Variants in JAKMIP2 observed in about 807,000 individuals in gnomAD.
JAKMIP2 encodes janus kinase and microtubule interacting protein 2.
In JAKMIP2, 25 loss-of-function variants were observed where a neutral mutation model predicts 115.0. That is an observed-to-expected ratio of 0.22 (90% confidence interval 0.16 to 0.30). The LOEUF (loss-of-function observed/expected upper bound fraction) is 0.30, where lower values mean the gene tolerates loss of function less well. JAKMIP2 is among the 10% of genes least tolerant of loss of function. The probability of loss-of-function intolerance (pLI) is 1.00; values close to 1 mark genes in which losing one functional copy is unlikely to be tolerated. For missense variants in JAKMIP2, 642 were observed against 957.6 expected, an observed-to-expected ratio of 0.67 and a Z score of 4.35; for synonymous variants, 334 against 343.6, an observed-to-expected ratio of 0.97 and a Z score of 0.31.
At chr5:147,640,674 A>G in intron 9 of JAKMIP2, 30 bp downstream of exon 9, 1 of 1,606,598 alleles carries the variant, frequency 6.2e-7, no homozygotes. Flanking sequence ...TGACAATATC[A>G]CCCTAGGCTA....
At chr5:147,764,460 A>T (rs1281142369) in intron 1 of JAKMIP2, among the ~76,000 whole-genome samples, 1 of 141,430 alleles carries the variant, frequency 7.1e-6, no homozygotes, top group Admixed American at 6.9e-5. Context: ...TAAAGAAGCA[A>T]ATTGTGCAAA....
At chr5:147,601,713 A>G in intron 21 of JAKMIP2, 28 bp downstream of exon 21, 2 of 1,478,488 alleles carry the variant, frequency 1.4e-6, no homozygotes, top group Middle Eastern at 1.8e-4. Context: ...TCTTAGAACC[A>G]CATTTTGAGA....
chr5:147,606,892 C>T (rs1366814896), intron 20 of JAKMIP2, among the ~76,000 whole-genome samples: 3 of 152,034 alleles, frequency 2.0e-5, no homozygotes, highest in African/African-American at 7.2e-5. Context: ...TGAAGTGGTC[C>T]TTCCCACGTA....
chr5:147,710,414 A>G (rs1395524888), intron 1 of JAKMIP2, among the ~76,000 whole-genome samples: 1 of 152,234 alleles, frequency 6.6e-6, no homozygotes, highest in Non-Finnish European at 1.5e-5. Flanking sequence ...TAAATTTTAT[A>G]TACAGCAAAA....
chr5:147,704,639 C>G (rs1050345082), intron 1 of JAKMIP2, among the ~76,000 whole-genome samples: 2 of 152,134 alleles, frequency 1.3e-5, no homozygotes, highest in African/African-American at 4.8e-5. Context: ...CCATTATTAG[C>G]TTCTTCATGG....
intron 1 of JAKMIP2, among the ~76,000 whole-genome samples, chr5:147,686,573 T>C (rs1407524197): frequency 2.6e-5 from 4 of 152,170 alleles, no homozygotes; most frequent in Non-Finnish European, 5.9e-5. Context: ...TAGTAGAAAC[T>C]CTAAAATGTT....
intron 1 of JAKMIP2, among the ~76,000 whole-genome samples, chr5:147,682,429 G>A (rs2126836140): frequency 6.6e-6 from 1 of 152,298 alleles, no homozygotes. Flanking sequence ...GTAGAAGGTA[G>A]AATGAACTAA....
Position 147,586,608 on chromosome 5 carries a change from A to T in JAKMIP2, c.*5099T>A, listed in dbSNP as rs777237301. The stretch of plus-strand genomic sequence containing the variant: ...GGGTACAAAGACCGTAATGCAGAAA[A>T]AAACAAAAACAGGAACCCTCACCAA... On this transcript the variant is annotated 3_prime_UTR_variant, in exon 22 of 22. Transcript: ENST00000616793. The T allele has an allele frequency of 1.3e-5, 2 of 152,182 alleles. No individual in the cohort carries two copies. The highest frequency in any genetic ancestry group is 2.9e-5 in the Non-Finnish European group (2 of 68,028). The allele number at this position is 152,182 out of a possible 1,614,324, so 9.4% of individuals were successfully genotyped here. A position where few individuals can be genotyped will look rare whatever the true frequency, so the allele number is the denominator to read the frequency against.
intron 21 of JAKMIP2, among the ~76,000 whole-genome samples, chr5:147,601,073 G>T (rs1012361859): frequency 6.6e-6 from 1 of 152,082 alleles, no homozygotes; most frequent in African/African-American, 2.4e-5. Flanking sequence ...TATTCACTTT[G>T]CAGATACAGA....
At chr5:147,695,115 C>T (rs143587965) in intron 1 of JAKMIP2, among the ~76,000 whole-genome samples, 1 of 152,234 alleles carries the variant, frequency 6.6e-6, no homozygotes, top group East Asian at 1.9e-4. Flanking sequence ...TCAAAACAAA[C>T]TAACAATGCG....
At chr5:147,770,199 T>C (rs1431653689) in intron 1 of JAKMIP2, among the ~76,000 whole-genome samples, 1 of 152,146 alleles carries the variant, frequency 6.6e-6, no homozygotes, top group African/African-American at 2.4e-5. Context: ...AACATACTGT[T>C]TAAAGGGCTT....
intron 3 of JAKMIP2, among the ~76,000 whole-genome samples, chr5:147,656,424 C>T (rs1758676947): frequency 6.6e-6 from 1 of 152,086 alleles, no homozygotes; most frequent in Non-Finnish European, 1.5e-5. Flanking sequence ...TGAATTGATC[C>T]CTTTACCATT....
chr5:147,658,780 G>A (rs1758811457), intron 3 of JAKMIP2, among the ~76,000 whole-genome samples: 2 of 152,110 alleles, frequency 1.3e-5, no homozygotes, highest in African/African-American at 4.8e-5. Context: ...TTGCTGTGCT[G>A]TGGTGAATTC....
chr5:147,709,748 G>T (rs1752712077), intron 1 of JAKMIP2, among the ~76,000 whole-genome samples: 1 of 152,092 alleles, frequency 6.6e-6, no homozygotes, highest in African/African-American at 2.4e-5. Context: ...TACTCAGGAG[G>T]CTGAGGCAGA....
At chr5:147,679,949 A>T (rs949144043) in intron 1 of JAKMIP2, among the ~76,000 whole-genome samples, 1 of 152,198 alleles carries the variant, frequency 6.6e-6, no homozygotes, top group Non-Finnish European at 1.5e-5. Flanking sequence ...GGTACAAAAT[A>T]GAATGGTGAT....
intron 12 of JAKMIP2, among the ~76,000 whole-genome samples, chr5:147,634,552 G>T (rs184662048): frequency 1.3e-5 from 2 of 152,114 alleles, no homozygotes; most frequent in Non-Finnish European, 2.9e-5. Context: ...GGAATATTTC[G>T]AGAGATTGCT....
intron 1 of JAKMIP2, among the ~76,000 whole-genome samples, chr5:147,702,603 GGAAAGAAAGAAAGAAA>G (rs67153684): frequency 0.1 from 9,258 of 91,312 alleles, 488 homozygotes; most frequent in Admixed American, 0.12. Flanking sequence ...AAAGAAAGAA[GGAAAGAAAGAAAGAAA>G]GAAAGAAAGA....
At chr5:147,688,211 C>T (rs1369371475) in intron 1 of JAKMIP2, among the ~76,000 whole-genome samples, 1 of 152,174 alleles carries the variant, frequency 6.6e-6, no homozygotes, top group Non-Finnish European at 1.5e-5. Context: ...TAACACAAGG[C>T]TATGTATCAT....
intron 1 of JAKMIP2, among the ~76,000 whole-genome samples, chr5:147,705,743 GT>G (rs1470800281): frequency 6.6e-6 from 1 of 152,166 alleles, no homozygotes; most frequent in African/African-American, 2.4e-5. Flanking sequence ...TGGTTATGCA[GT>G]TTGTCATAAA....
Sources: gnomAD v4.1 joint callset for allele counts (sites outside exome capture counted in the v4.1 genomes callset) on GRCh38, gnomAD v4.1.1 for gene constraint, MANE v1.5 for transcripts, NCBI Gene and HGNC (gene_info 2026-07-23, HGNC 2026-07-21) for gene names.